The following TMEM131L variants were observed in gnomAD, a reference collection of about 807,000 sequenced individuals.
The protein encoded by TMEM131L is transmembrane 131 like.
In TMEM131L, 54 loss-of-function variants were observed where a neutral mutation model predicts 192.2. The observed-to-expected ratio is 0.28, with a 90% confidence interval of 0.23 to 0.35. The LOEUF is 0.35. Ranked by LOEUF, TMEM131L falls within the 10% of genes least tolerant of loss-of-function variation. The probability of loss-of-function intolerance (pLI) is 1.00; values close to 1 mark genes in which losing one functional copy is unlikely to be tolerated. For missense variants in TMEM131L, 1,888 were observed against 1,972.9 expected, an observed-to-expected ratio of 0.96 and a Z score of 0.82; for synonymous variants, 701 against 704.9, an observed-to-expected ratio of 0.99 and a Z score of 0.09.
chr4:153,620,856 A>G lies in TMEM131L; in HGVS notation c.3668A>G (p.Lys1223Arg), dbSNP rs375699910. 211 of 1,600,000 alleles carry G rather than the reference A, an allele frequency of 1.3e-4. No homozygotes were observed. The highest frequency in any genetic ancestry group is 1.7e-4 in the Non-Finnish European group (199 of 1,175,384). Residue 1223 changes from lysine to arginine, a missense_variant, in exon 27 of 35, where the codon AAA becomes AGA. Coordinates refer to ENST00000409959, the MANE Select transcript of TMEM131L (RefSeq NM_001131007.2). ...SKSRTCRKNK[K>R]RGVAPVSRPP... is the part of the protein sequence containing the mutation. ...AGTCGAACATGTAGAAAGAACAAGA[A>G]AAGGGGTGTTGCTCCAGTCTCAAGG...
chr4:153,590,943 C>T (rs2150833746), intron 16 of TMEM131L, 110 bp from the exon 17 acceptor site: 1 of 672,778 alleles, frequency 1.5e-6, no homozygotes, highest in East Asian at 3.9e-5. Flanking sequence ...AGCCCTTTTC[C>T]TTTAAGTGGG....
chr4:153,563,200 A>G (rs914704798), intron 7 of TMEM131L, among the ~76,000 whole-genome samples: 1 of 152,228 alleles, frequency 6.6e-6, no homozygotes, highest in African/African-American at 2.4e-5. Context: ...TGAAATGCTG[A>G]TCAGAGAAGG....
At chr4:153,487,893 GGTGGGCCTGTGGCTGA>G (rs1032322713) in intron 3 of TMEM131L, among the ~76,000 whole-genome samples, 4 of 150,518 alleles carry the variant, frequency 2.7e-5, no homozygotes, top group African/African-American at 9.8e-5. Context: ...GACAGACTCT[GGTGGGCCTGTGGCTGA>G]GATGTGTGTT....
chr4:153,550,863 A>C (rs1445924748), intron 4 of TMEM131L, among the ~76,000 whole-genome samples: 3 of 152,170 alleles, frequency 2.0e-5, no homozygotes, highest in African/African-American at 7.2e-5. Flanking sequence ...TTGGAGACTC[A>C]AGATGGGGAA....
intron 7 of TMEM131L, among the ~76,000 whole-genome samples, chr4:153,571,972 A>G (rs114770648): frequency 0.014 from 2,065 of 152,318 alleles, 36 homozygotes; most frequent in African/African-American, 0.044. Flanking sequence ...TACCTGCACA[A>G]TGAGATCTCA....
rs1037377171 is a variant in TMEM131L, at chr4:153,522,211, G to A, written c.240-27862G>A. On this transcript the variant is annotated intron_variant, in intron 3 of 34. Transcript: ENST00000409959. ...AGTGGTGAAGTGGGAACCCTCAACC[G>A]CCATTTGTGAAATGGGACGTTCTCA... is the stretch of plus-strand genomic sequence containing the variant. Among the ~76,000 whole-genome samples, 13 of 152,292 alleles carry A rather than the reference G, an allele frequency of 8.5e-5. No individual in the cohort carries two copies. The East Asian group carries it at 1.7e-3, about 20-fold the overall frequency.
Position 153,627,592 on chromosome 4 carries a change from C to T in TMEM131L, c.4125-13C>T. 3 of 1,610,616 alleles carry T rather than the reference C, an allele frequency of 1.9e-6. No homozygotes were observed. Among genetic ancestry groups the T allele is most frequent in the East Asian group, 2.2e-5 (1 of 44,854 alleles). Reference sequence around the variant, plus strand: ...AAAAATGAGTCGTTCCTCCTTTGCCCTCTTCCCCACAGGACCGTGAATAGT... The same window carrying T: ...AAAAATGAGTCGTTCCTCCTTTGCCTTCTTCCCCACAGGACCGTGAATAGT... On this transcript the variant is annotated splice_polypyrimidine_tract_variant and intron_variant, in intron 30 of 34. Coordinates refer to ENST00000409959, the MANE Select transcript of TMEM131L (RefSeq NM_001131007.2).
intron 3 of TMEM131L, among the ~76,000 whole-genome samples, chr4:153,486,857 T>G (rs1416697287): frequency 6.6e-6 from 1 of 152,160 alleles, no homozygotes; most frequent in Non-Finnish European, 1.5e-5. Context: ...CGGCTTTGCC[T>G]AAGTGGGAGG....
chr4:153,580,548 G>GC lies in TMEM131L; in HGVS notation c.661-277dup, dbSNP rs1163800725. On this transcript the variant is annotated intron_variant, in intron 7 of 34. Coordinates refer to ENST00000409959, the MANE Select transcript of TMEM131L (RefSeq NM_001131007.2). ...GTGTATATTTAGAACATATTCACCT[G>GC]CTTATAGGTGTAATAAGGAATTTTC... Among the ~76,000 whole-genome samples the GC allele has an allele frequency of 2.0e-5, 3 of 152,172 alleles. No individual in the cohort carries two copies. The East Asian group carries it at 5.8e-4, about 29-fold the overall frequency.
At chr4:153,592,223 G>A (rs1294246686) in intron 17 of TMEM131L, among the ~76,000 whole-genome samples, 1 of 150,090 alleles carries the variant, frequency 6.7e-6, no homozygotes, top group Non-Finnish European at 1.5e-5. Flanking sequence ...TTTTTTTCTG[G>A]TTCAGAATCC....
At chr4:153,585,018 G>A (rs2150772116) in intron 12 of TMEM131L, 87 bp downstream of exon 12, 1 of 1,019,052 alleles carries the variant, frequency 9.8e-7, no homozygotes, top group South Asian at 1.4e-5. Flanking sequence ...ATAGTGATAT[G>A]ATTTGTGTGA....
At chr4:153,563,145 G>T (rs1728952058) in intron 7 of TMEM131L, among the ~76,000 whole-genome samples, 1 of 152,202 alleles carries the variant, frequency 6.6e-6, no homozygotes, top group Non-Finnish European at 1.5e-5. Flanking sequence ...AGTCTGGAAG[G>T]TGAAGGTTCC....
intron 15 of TMEM131L, among the ~76,000 whole-genome samples, 190 bp downstream of exon 15, chr4:153,588,001 A>G (rs1459392591): frequency 6.6e-6 from 1 of 151,094 alleles, no homozygotes. Flanking sequence ...TACTGTAAAT[A>G]ATGCCCCTTT....
At chr4:153,501,202 G>GTTTTTT (rs34750703) in intron 3 of TMEM131L, among the ~76,000 whole-genome samples, 2 of 127,546 alleles carry the variant, frequency 1.6e-5, no homozygotes, top group African/African-American at 3.1e-5. Flanking sequence ...GGTTTTGCAA[G>GTTTTTT]TTTTTTTTTT....
Position 153,603,807 on chromosome 4 carries a change from A to G in TMEM131L, c.2795A>G (p.Asn932Ser). ...GTTTTTCTTCTTAAATTCAGAAGCA[A>G]TTGCAAGAACTTTCTCGATACATAT... Reference protein sequence around the residue: ...DVISPHSYKSNCKNFLDTYGP... With the variant: ...DVISPHSYKSSCKNFLDTYGP... Residue 932 changes from asparagine (N) to serine (S), a missense_variant, in exon 25 of 35, where the codon AAT becomes AGT. By Grantham distance (46) the Asn-to-Ser change is conservative (BLOSUM62 1). Transcript: ENST00000409959. 1.3e-6 allele frequency: 2 copies of G among 1,575,334 alleles called. No homozygotes were observed. The highest frequency in any genetic ancestry group is 1.7e-6 in the Non-Finnish European group (2 of 1,166,412).
intron 7 of TMEM131L, among the ~76,000 whole-genome samples, chr4:153,566,337 A>G (rs559570533): frequency 9.7e-4 from 148 of 152,104 alleles, no homozygotes; most frequent in Non-Finnish European, 1.6e-3. Context: ...GGGTTTCACC[A>G]TGTTAGCCAG....
intron 3 of TMEM131L, among the ~76,000 whole-genome samples, chr4:153,478,222 T>A (rs1731688639): frequency 6.6e-6 from 1 of 152,228 alleles, no homozygotes; most frequent in Non-Finnish European, 1.5e-5. Context: ...AAAACCTTTG[T>A]GTCCATTTTT....
At position 153,593,966 on chromosome 4, in the gene TMEM131L, T is replaced by G. The variant is rs998121622; in HGVS notation, c.1995+95T>G. On this transcript the variant is annotated intron_variant, in intron 19 of 34. Transcript: ENST00000409959. ...GATTTATGTTTAAAATGTCTTTTAT[T>G]TACTATATATGGCTCTTTTATTTTG... 7.4e-6 allele frequency: 6 copies of G among 813,608 alleles called. No homozygotes were observed. The Admixed American group carries it at 1.2e-4, about 16-fold the overall frequency. 50.4% of individuals were successfully genotyped at this position (813,608 alleles called of 1,614,324 possible). A position where few individuals can be genotyped will look rare whatever the true frequency, so the allele number is the denominator to read the frequency against.
In TMEM131L at chr4:153,580,839, A is replaced by G; in HGVS notation, c.674A>G (p.Asn225Ser). The change falls in exon 8 of 35, where the codon AAT becomes AGT. Residue 225 changes from asparagine to serine, a missense_variant. By Grantham distance (46) the Asn-to-Ser change is conservative. Coordinates refer to ENST00000409959, the MANE Select transcript of TMEM131L (RefSeq NM_001131007.2). ...TTCTTCTTTTAGGCAGAAACCACTA[A>G]TACTAGCCTCTTGCAGGTGCAACTG... ...QLSQMQAETT[N>S]TSLLQVQLEC... The G allele has an allele frequency of 6.2e-7, 1 of 1,611,556 alleles. No homozygotes were observed. Among genetic ancestry groups the G allele is most frequent in the Non-Finnish European group, 8.5e-7 (1 of 1,177,708 alleles).
Sources: gnomAD v4.1 joint callset for allele counts (sites outside exome capture counted in the v4.1 genomes callset) on GRCh38, gnomAD v4.1.1 for gene constraint, MANE v1.5 for transcripts, NCBI Gene and HGNC (gene_info 2026-07-23, HGNC 2026-07-21) for gene names.